FGF14: variants seen among roughly 807,000 people sequenced by gnomAD.
The protein encoded by FGF14 is fibroblast growth factor 14.
In FGF14, 5 loss-of-function variants were observed where a neutral mutation model predicts 25.5. That is an observed-to-expected ratio of 0.20 (90% CI 0.10 to 0.41). The LOEUF (loss-of-function observed/expected upper bound fraction) is 0.41. Ranked by LOEUF, FGF14 falls within the 10% of genes least tolerant of loss-of-function variation. FGF14 has a pLI of 1.00. For synonymous variants in FGF14, 138 were observed against 118.3 expected, an observed-to-expected ratio of 1.17 and a Z score of -1.08; for missense variants, 222 against 320.1, an observed-to-expected ratio of 0.69 and a Z score of 2.34.
Position 102,021,315 on chromosome 13 carries a change from G to A in FGF14, c.209-146019C>T, listed in dbSNP as rs114901821. Reference sequence around the variant, plus strand: ...TGAAACATTCTACTTAGCTCATTTTGAGCTAAGTAGAGGCTTCGTAAAAGA... The same window carrying A: ...TGAAACATTCTACTTAGCTCATTTTAAGCTAAGTAGAGGCTTCGTAAAAGA... On this transcript the variant is annotated intron_variant, in intron 1 of 4. Coordinates refer to the FGF14 transcript ENST00000376131. 2.9e-3 allele frequency among the ~76,000 whole-genome samples: 443 copies of A among 152,122 alleles called. 3 individuals carry two copies. The highest frequency in any genetic ancestry group is 0.01 in the African/African-American group (417 of 41,524).
At chr13:101,956,400 G>A (rs991552236) in intron 1 of FGF14, among the ~76,000 whole-genome samples, 2 of 152,070 alleles carry the variant, frequency 1.3e-5, no homozygotes, top group East Asian at 3.9e-4. Context: ...AAGTCAAATA[G>A]AAAAATACCT....
At chr13:101,891,839 G>T (rs986388553) in intron 1 of FGF14, among the ~76,000 whole-genome samples, 4 of 152,122 alleles carry the variant, frequency 2.6e-5, no homozygotes, top group Admixed American at 2.0e-4. Flanking sequence ...GCTGAATGTA[G>T]TAGTAAATAA....
chr13:102,081,281 T>A (rs2043605172), intron 1 of FGF14, among the ~76,000 whole-genome samples: 1 of 152,172 alleles, frequency 6.6e-6, no homozygotes, highest in Non-Finnish European at 1.5e-5. Context: ...TGGGCACAAA[T>A]CCCTTGAAAC....
At chr13:101,822,227 G>C (rs1214832950) in intron 3 of FGF14, among the ~76,000 whole-genome samples, 1 of 152,078 alleles carries the variant, frequency 6.6e-6, no homozygotes, top group African/African-American at 2.4e-5. Context: ...TTCTGAAATA[G>C]ATATGCTATT....
At chr13:101,826,208 C>T (rs868078305) in intron 3 of FGF14, among the ~76,000 whole-genome samples, 10 of 151,872 alleles carry the variant, frequency 6.6e-5, no homozygotes, top group Non-Finnish European at 1.3e-4. Flanking sequence ...AGTCTTTTTT[C>T]TACCATTCTC....
chr13:102,086,845 T>G (rs74756942), intron 1 of FGF14, among the ~76,000 whole-genome samples: 7,699 of 152,280 alleles, frequency 0.051, 408 homozygotes, highest in East Asian at 0.2. Flanking sequence ...CTGGCACACA[T>G]AGAACTGTGC....
intron 1 of FGF14, among the ~76,000 whole-genome samples, chr13:102,030,679 C>T (rs1307313668): frequency 6.6e-6 from 1 of 152,002 alleles, no homozygotes; most frequent in Non-Finnish European, 1.5e-5. Flanking sequence ...TGATCCCTAT[C>T]TCATCAATGT....
At chr13:101,899,649 T>C (rs562067859) in intron 1 of FGF14, among the ~76,000 whole-genome samples, 34 of 152,064 alleles carry the variant, frequency 2.2e-4, no homozygotes, top group Non-Finnish European at 4.1e-4. Flanking sequence ...GGTGTTATTA[T>C]ACTATAGCAA....
intron 1 of FGF14, among the ~76,000 whole-genome samples, chr13:102,221,599 T>C (rs950150671): frequency 7.0e-6 from 1 of 142,808 alleles, no homozygotes; most frequent in Non-Finnish European, 1.5e-5. Context: ...TGGGTTGATA[T>C]GAATGACATC....
intron 1 of FGF14, among the ~76,000 whole-genome samples, chr13:102,146,717 C>T: frequency 6.6e-6 from 1 of 152,090 alleles, no homozygotes; most frequent in Non-Finnish European, 1.5e-5. Context: ...ATATAAAAAT[C>T]CTCCAAAAAA....
intron 1 of FGF14, among the ~76,000 whole-genome samples, chr13:102,133,310 T>C (rs1053891486): frequency 6.6e-6 from 1 of 152,160 alleles, no homozygotes; most frequent in African/African-American, 2.4e-5. Context: ...ATTAAACAAG[T>C]GTGTACATAA....
chr13:101,756,613 A>C (rs531942385), intron 3 of FGF14, among the ~76,000 whole-genome samples: 1 of 152,312 alleles, frequency 6.6e-6, no homozygotes, highest in African/African-American at 2.4e-5. Flanking sequence ...CATGCCTGTA[A>C]TCCCAGCTAC....
At chr13:101,768,630 A>G (rs2038558852) in intron 3 of FGF14, among the ~76,000 whole-genome samples, 1 of 152,172 alleles carries the variant, frequency 6.6e-6, no homozygotes. Flanking sequence ...AGATAGATCA[A>G]TGGAGCACAG....
At position 102,262,330 on chromosome 13, in the gene FGF14, T is replaced by A. The variant is rs139382179; in HGVS notation, c.208+139141A>T. 3.6e-3 allele frequency among the ~76,000 whole-genome samples: 546 copies of A among 152,278 alleles called. 1 individual carries two copies. Among genetic ancestry groups the A allele is most frequent in the African/African-American group, 0.012 (514 of 41,556 alleles). On this transcript the variant is annotated intron_variant, in intron 1 of 4. Transcript: ENST00000376131. Reference sequence around the variant, plus strand: ...AATGGAAATAAAAATTCAGAATCATTATTTCCTACCTACTATTGCTTGGAC... The same window carrying A: ...AATGGAAATAAAAATTCAGAATCATAATTTCCTACCTACTATTGCTTGGAC...
intron 1 of FGF14, among the ~76,000 whole-genome samples, chr13:102,203,521 G>T (rs1365643487): frequency 1.3e-5 from 2 of 152,082 alleles, no homozygotes; most frequent in Non-Finnish European, 2.9e-5. Flanking sequence ...TGACCTCTTT[G>T]AAAGTAAATT....
chr13:101,880,966 A>C (rs2045677777), intron 1 of FGF14, among the ~76,000 whole-genome samples: 1 of 152,218 alleles, frequency 6.6e-6, no homozygotes, highest in South Asian at 2.1e-4. Context: ...TTGAAACGGA[A>C]ACACAAATAA....
At chr13:102,304,396 C>T (rs2055252581) in intron 1 of FGF14, among the ~76,000 whole-genome samples, 1 of 152,126 alleles carries the variant, frequency 6.6e-6, no homozygotes, top group Non-Finnish European at 1.5e-5. Flanking sequence ...TCTACCAGCT[C>T]CTGATTCTTC....
chr13:102,088,038 T>C (rs1368836932), intron 1 of FGF14, among the ~76,000 whole-genome samples: 1 of 152,260 alleles, frequency 6.6e-6, no homozygotes, highest in Non-Finnish European at 1.5e-5. Flanking sequence ...GCATCAGTTC[T>C]GTCATTTAAT....
chr13:102,023,118 G>T (rs182532822), intron 1 of FGF14, among the ~76,000 whole-genome samples: 30 of 151,392 alleles, frequency 2.0e-4, no homozygotes, highest in Non-Finnish European at 3.5e-4. Context: ...TATCACCATT[G>T]CTAGGTAGTG....
Sources: allele counts gnomAD v4.1 joint callset (sites outside exome capture counted in the v4.1 genomes callset), GRCh38; gene constraint gnomAD v4.1.1; transcripts MANE v1.5; gene names NCBI Gene and HGNC (gene_info 2026-07-23, HGNC 2026-07-21).